CRKL: variants seen among roughly 807,000 people sequenced by gnomAD.
CRKL encodes crk-like protein.
Under a neutral mutation model 23.0 loss-of-function variants are expected in CRKL, and 3 were observed. That is an observed-to-expected ratio of 0.13 (90% CI 0.06 to 0.34). The LOEUF (loss-of-function observed/expected upper bound fraction) is 0.34. Ranked by LOEUF, CRKL falls within the 10% of genes least tolerant of loss-of-function variation. The pLI is 1.00. For missense variants in CRKL, 256 were observed against 394.5 expected, an observed-to-expected ratio of 0.65 and a Z score of 2.97; for synonymous variants, 188 against 160.7, an observed-to-expected ratio of 1.17 and a Z score of -1.28.
intron 1 of CRKL, among the ~76,000 whole-genome samples, chr22:20,920,607 G>A (rs1187522938): frequency 2.0e-5 from 3 of 152,152 alleles, no homozygotes; most frequent in Non-Finnish European, 2.9e-5. Context: ...TTCCGTACAT[G>A]CATGCATCTT....
Position 20,941,588 on chromosome 22 carries a change from A to ATTTTT in CRKL, c.777+7364_777+7368dup, listed in dbSNP as rs1198699701. 6.0e-3 allele frequency among the ~76,000 whole-genome samples: 201 copies of ATTTTT among 33,532 alleles called. 28 individuals carry two copies. Among genetic ancestry groups the ATTTTT allele is most frequent in the East Asian group, 0.02 (12 of 602 alleles). The allele number at this position is 33,532 out of a possible 152,430, so 22.0% of individuals were successfully genotyped here. A position where few individuals can be genotyped will look rare whatever the true frequency, so the allele number is the denominator to read the frequency against. On this transcript the variant is annotated intron_variant, in intron 2 of 2. Coordinates refer to ENST00000354336, the MANE Select transcript of CRKL (RefSeq NM_005207.4). The stretch of plus-strand genomic sequence containing the variant: ...TGTGTGTGTGTGTGTGTATATATAT[A>ATTTTT]TTTTTTTTTTTTTTTTTTTTTTTTG...
At chr22:20,948,135 A>G (rs188270973) in intron 2 of CRKL, among the ~76,000 whole-genome samples, 1 of 152,230 alleles carries the variant, frequency 6.6e-6, no homozygotes, top group African/African-American at 2.4e-5. Flanking sequence ...AGGTAGGATC[A>G]TGTAGAAAGT....
At chr22:20,935,522 CTT>C (rs11463804) in intron 2 of CRKL, among the ~76,000 whole-genome samples, 8 of 143,174 alleles carry the variant, frequency 5.6e-5, no homozygotes, top group Admixed American at 7.0e-5. Context: ...ATTTTCTTTT[CTT>C]TTTTTTTTTT....
intron 1 of CRKL, among the ~76,000 whole-genome samples, chr22:20,918,593 T>C (rs1929778334): frequency 1.3e-3 from 1 of 772 alleles, no homozygotes; most frequent in African/African-American, 1.4e-3. Flanking sequence ...TAAAAACCTC[T>C]TTTTTTTTTT....
intron 1 of CRKL, among the ~76,000 whole-genome samples, chr22:20,925,485 A>G (rs907748688): frequency 6.6e-6 from 1 of 152,250 alleles, no homozygotes; most frequent in African/African-American, 2.4e-5. Flanking sequence ...ACTGCACTCC[A>G]GTCTGGTCAA....
rs1468418925 is a variant in CRKL at position 20,950,253 on chromosome 22, A to G, written c.*408A>G. On this transcript the variant is annotated 3_prime_UTR_variant, in exon 3 of 3. Coordinates refer to ENST00000354336, the MANE Select transcript of CRKL (RefSeq NM_005207.4). Reference sequence around the variant, plus strand: ...TCCACAAAGCAGTGGCTTAGCTGCCATCTTGCTTTTCTTTGGACAACAGGA... The same window carrying G: ...TCCACAAAGCAGTGGCTTAGCTGCCGTCTTGCTTTTCTTTGGACAACAGGA... 2.1e-5 allele frequency: 5 copies of G among 239,454 alleles called. No individual in the cohort carries two copies. The East Asian group carries it at 2.4e-4, about 11-fold the overall frequency. 14.8% of individuals were successfully genotyped at this position (239,454 alleles called of 1,614,324 possible). A position where few individuals can be genotyped will look rare whatever the true frequency, so the allele number is the denominator to read the frequency against.
chr22:20,926,726 A>G (rs1207966686), intron 1 of CRKL, among the ~76,000 whole-genome samples: 1 of 152,106 alleles, frequency 6.6e-6, no homozygotes, highest in East Asian at 1.9e-4. Context: ...AGGCAGCCAC[A>G]AGCATAGGAG....
intron 1 of CRKL, among the ~76,000 whole-genome samples, chr22:20,927,139 AT>A (rs1921243532): frequency 1.4e-5 from 2 of 139,912 alleles, no homozygotes; most frequent in African/African-American, 5.3e-5. Context: ...AAAAAAAAGA[AT>A]GGTGGTTAAA....
intron 2 of CRKL, among the ~76,000 whole-genome samples, chr22:20,936,780 G>C (rs886697048): frequency 2.0e-5 from 3 of 152,042 alleles, no homozygotes; most frequent in Admixed American, 1.3e-4. Context: ...CTGTGGTGGG[G>C]GTCAGGGACT....
chr22:20,935,102 C>G (rs1023515930), intron 2 of CRKL, among the ~76,000 whole-genome samples: 28 of 152,086 alleles, frequency 1.8e-4, no homozygotes, highest in African/African-American at 6.7e-4. Flanking sequence ...GTGTGAGCCA[C>G]CGTGCCCGGC....
intron 1 of CRKL, among the ~76,000 whole-genome samples, chr22:20,925,186 C>CAAAAA (rs11451684): frequency 9.9e-6 from 1 of 100,992 alleles, no homozygotes; most frequent in Non-Finnish European, 1.9e-5. Flanking sequence ...GACTCCGTCT[C>CAAAAA]AAAAAAAAAA....
intron 1 of CRKL, among the ~76,000 whole-genome samples, chr22:20,930,384 T>C (rs1450635774): frequency 6.6e-6 from 1 of 152,150 alleles, no homozygotes; most frequent in African/African-American, 2.4e-5. Flanking sequence ...ATCTTCTTTT[T>C]TTTGTTTGTT....
intron 2 of CRKL, 69 bp from the exon 3 acceptor site, chr22:20,949,642 G>A (rs1332037258): frequency 1.3e-5 from 21 of 1,587,484 alleles, no homozygotes; most frequent in Admixed American, 1.8e-5. Context: ...GGTAGTGTTT[G>A]TGATTTAATG....
intron 2 of CRKL, among the ~76,000 whole-genome samples, chr22:20,946,020 T>C (rs4822700): frequency 0.77 from 116,501 of 152,190 alleles, 45,164 homozygotes; most frequent in East Asian, 0.92. Flanking sequence ...TACATTCATG[T>C]ATTTGCATAC....
chr22:20,942,984 A>G (rs1233523910), intron 2 of CRKL, among the ~76,000 whole-genome samples: 1 of 152,148 alleles, frequency 6.6e-6, no homozygotes, highest in Non-Finnish European at 1.5e-5. Flanking sequence ...CCAGCAGTAT[A>G]TAAGGGCTCC....
chr22:20,925,186 CAAAAA>C (rs11451684), intron 1 of CRKL, among the ~76,000 whole-genome samples: 1 of 100,998 alleles, frequency 9.9e-6, no homozygotes, highest in Non-Finnish European at 1.9e-5. Flanking sequence ...GACTCCGTCT[CAAAAA>C]AAAAAAAAAA....
chr22:20,948,595 G>T lies in CRKL; in HGVS notation c.778-1116G>T, dbSNP rs201529560. On this transcript the variant is annotated intron_variant, in intron 2 of 2. Transcript: ENST00000354336. The stretch of plus-strand genomic sequence containing the variant: ...GTAGTTTCTAAAAGTGGCAGAACCA[G>T]GACATTTGTTTGGTGTCCTGCATGC... Among the ~76,000 whole-genome samples the T allele has an allele frequency of 3.0e-4, 46 of 152,314 alleles. No homozygotes were observed. In the East Asian group the frequency reaches 3.5e-3, roughly 11 times the overall value.
In CRKL at chr22:20,917,961, G is replaced by T. The variant is rs747983440; in HGVS notation, c.27G>T (p.Ser9=). The T allele has an allele frequency of 6.2e-7, 1 of 1,614,006 alleles. No individual in the cohort carries two copies. Among genetic ancestry groups the T allele is most frequent in the Non-Finnish European group, 8.5e-7 (1 of 1,180,016 alleles). MSSARFDS[S]DRSAWYMGPV... is the part of the protein sequence containing the mutation. ...TGTCCTCCGCCAGGTTCGACTCCTC[G>T]GACCGCTCCGCCTGGTATATGGGGC... Residue 9 remains serine (S), a synonymous_variant, in exon 1 of 3, where the codon TCG becomes TCT. Transcript: ENST00000354336.
Position 20,917,932 on chromosome 22 carries a change from A to T in CRKL, c.-3A>T. 6.2e-7 allele frequency: 1 copy of T among 1,612,872 alleles called. No individual in the cohort carries two copies. Among genetic ancestry groups the T allele is most frequent in the Non-Finnish European group, 8.5e-7 (1 of 1,179,630 alleles). Reference sequence around the variant, plus strand: ...ACCGCCGCAGAGTCCCCGGTCCAACACCATGTCCTCCGCCAGGTTCGACTC... The same window carrying T: ...ACCGCCGCAGAGTCCCCGGTCCAACTCCATGTCCTCCGCCAGGTTCGACTC... On this transcript the variant is annotated 5_prime_UTR_variant, in exon 1 of 3. Transcript: ENST00000354336.
Sources: allele counts gnomAD v4.1 joint callset (sites outside exome capture counted in the v4.1 genomes callset), GRCh38; gene constraint gnomAD v4.1.1; transcripts MANE v1.5; gene names NCBI Gene and HGNC (gene_info 2026-07-23, HGNC 2026-07-21).